The following BMERB1 variants were observed in gnomAD, a reference collection of about 807,000 sequenced individuals.
The protein encoded by BMERB1 is bMERB domain containing 1.
Under a neutral mutation model 23.6 loss-of-function variants are expected in BMERB1, and 12 were observed. The ratio of observed to expected loss-of-function variants is 0.51; its 90% confidence interval spans 0.33 to 0.82. The LOEUF is 0.82. BMERB1 is among the 40% of genes least tolerant of loss of function. BMERB1 has a pLI of 0.03. For missense variants in BMERB1, 247 were observed against 255.4 expected (o/e 0.97, Z 0.22); for synonymous variants, 122 against 96.6 (o/e 1.26, Z -1.54).
At chr16:15,453,407 G>C (rs1452082963) in intron 1 of BMERB1, among the ~76,000 whole-genome samples, 2 of 152,128 alleles carry the variant, frequency 1.3e-5, no homozygotes, top group African/African-American at 4.8e-5. Context: ...GCAAGACCCT[G>C]TCTCTACAAA....
chr16:15,485,488 G>A (rs1293999067), intron 1 of BMERB1, among the ~76,000 whole-genome samples: 2 of 141,298 alleles, frequency 1.4e-5, no homozygotes, highest in Admixed American at 7.6e-5. Context: ...TCTCGCTTGT[G>A]TAATTTCTTC....
intron 1 of BMERB1, among the ~76,000 whole-genome samples, chr16:15,511,607 A>G (rs1329026426): frequency 6.6e-6 from 1 of 152,206 alleles, no homozygotes; most frequent in Non-Finnish European, 1.5e-5. Context: ...TGCTGAACTC[A>G]AAGAGGAGAA....
intron 3 of BMERB1, among the ~76,000 whole-genome samples, chr16:15,574,315 TG>T (rs2030805690): frequency 6.6e-6 from 1 of 152,072 alleles, no homozygotes; most frequent in Non-Finnish European, 1.5e-5. Flanking sequence ...GTGGGGATGA[TG>T]GGGATTATAA....
At chr16:15,437,919 C>T (rs913527112) in intron 1 of BMERB1, among the ~76,000 whole-genome samples, 3 of 151,546 alleles carry the variant, frequency 2.0e-5, no homozygotes, top group Non-Finnish European at 4.4e-5. Flanking sequence ...GATTGCACCA[C>T]TGCACTCCAG....
Position 15,434,726 on chromosome 16 carries a change from G to T in BMERB1, c.73G>T (p.Glu25Ter). 1 of 1,513,126 alleles carries T rather than the reference G, an allele frequency of 6.6e-7. No homozygotes were observed. Among genetic ancestry groups the T allele is most frequent in the Non-Finnish European group, 9.0e-7 (1 of 1,117,204 alleles). 93.7% of individuals were successfully genotyped at this position (1,513,126 alleles called of 1,614,324 possible). ...TCTGAGGCGCTATGGGGCGGTGGAG[G>T]AGACGGCTTGGAAAACGGAGAGACT... ...KPLRRYGAVE[E>*]TAWKTERLGR... The change falls in exon 1 of 6, where the codon GAG becomes TAG. Residue 25 changes from glutamate to a stop codon, truncating the protein, a stop_gained. Coordinates refer to ENST00000300006, the MANE Select transcript of BMERB1 (RefSeq NM_033201.3). LOFTEE classifies it high-confidence loss of function.
intron 2 of BMERB1, among the ~76,000 whole-genome samples, chr16:15,540,541 T>C (rs2052068451): frequency 6.6e-6 from 1 of 151,852 alleles, no homozygotes; most frequent in South Asian, 2.1e-4. Flanking sequence ...ATAATAATAA[T>C]AGAGAGGGCT....
chr16:15,586,409 T>G (rs997943436), intron 5 of BMERB1, among the ~76,000 whole-genome samples: 4 of 152,184 alleles, frequency 2.6e-5, no homozygotes, highest in African/African-American at 4.8e-5. Context: ...AAATACTTCT[T>G]GGATGTCAGG....
At chr16:15,549,019 C>T (rs1400598655) in intron 2 of BMERB1, among the ~76,000 whole-genome samples, 1 of 152,006 alleles carries the variant, frequency 6.6e-6, no homozygotes, top group Non-Finnish European at 1.5e-5. Context: ...GAGTTTTTTC[C>T]TTCAGTCCTT....
At chr16:15,561,826 G>A (rs1025497149) in intron 2 of BMERB1, among the ~76,000 whole-genome samples, 3 of 152,086 alleles carry the variant, frequency 2.0e-5, no homozygotes, top group African/African-American at 4.8e-5. Flanking sequence ...CCTGGCGTTC[G>A]AAGCTGCAGT....
intron 3 of BMERB1, among the ~76,000 whole-genome samples, chr16:15,578,269 G>T (rs2030922435): frequency 1.4e-5 from 2 of 140,260 alleles, no homozygotes; most frequent in Admixed American, 7.5e-5. Flanking sequence ...TGGCTGTGTT[G>T]CCCAGGCTGG....
At chr16:15,525,793 A>T (rs2051899859) in intron 2 of BMERB1, among the ~76,000 whole-genome samples, 1 of 152,132 alleles carries the variant, frequency 6.6e-6, no homozygotes, top group African/African-American at 2.4e-5. Context: ...TCTCTGGAGA[A>T]CCCTGACTGA....
At chr16:15,551,168 G>A (rs1485677347) in intron 2 of BMERB1, among the ~76,000 whole-genome samples, 4 of 152,152 alleles carry the variant, frequency 2.6e-5, no homozygotes, top group South Asian at 2.1e-4. Flanking sequence ...TGATAGATGC[G>A]ATTGCCCTCG....
chr16:15,587,034 G>A lies in BMERB1; in HGVS notation c.*205G>A, dbSNP rs938096231. ...AGTAGGGAGTCTCTCACCGTCGCATGGTCCTCCCCAGAGCATGCCGAACCC... is the reference window on the plus strand; with the variant it reads ...AGTAGGGAGTCTCTCACCGTCGCATAGTCCTCCCCAGAGCATGCCGAACCC... On this transcript the variant is annotated 3_prime_UTR_variant, in exon 6 of 6. Transcript: ENST00000300006. 18 of 556,152 alleles carry A rather than the reference G, an allele frequency of 3.2e-5. No homozygotes were observed. Among genetic ancestry groups the A allele is most frequent in the African/African-American group, 1.7e-4 (9 of 52,394 alleles). 34.5% of individuals were successfully genotyped at this position (556,152 alleles called of 1,614,324 possible).
intron 1 of BMERB1, among the ~76,000 whole-genome samples, chr16:15,469,505 C>T (rs1359928132): frequency 3.3e-5 from 5 of 152,198 alleles, no homozygotes; most frequent in Admixed American, 6.5e-5. Flanking sequence ...AGAGTAATAT[C>T]GTTTATGTCT....
At chr16:15,501,873 TG>T (rs1206194894) in intron 1 of BMERB1, among the ~76,000 whole-genome samples, 1 of 152,056 alleles carries the variant, frequency 6.6e-6, no homozygotes, top group Non-Finnish European at 1.5e-5. Flanking sequence ...CCACCACCCT[TG>T]GCCTCTCAAA....
At chr16:15,461,936 A>AAAC (rs201579006) in intron 1 of BMERB1, among the ~76,000 whole-genome samples, 17 of 151,910 alleles carry the variant, frequency 1.1e-4, no homozygotes, top group African/African-American at 2.2e-4. Context: ...TGTTTCACCA[A>AAAC]AACAACAACA....
chr16:15,585,828 C>CAAGAA (rs751074813), intron 5 of BMERB1, among the ~76,000 whole-genome samples: 94 of 151,738 alleles, frequency 6.2e-4, no homozygotes, highest in African/African-American at 6.8e-4. Flanking sequence ...GACTCCATCT[C>CAAGAA]AAGAAAAGAA....
At chr16:15,466,428 T>A (rs1389044482) in intron 1 of BMERB1, among the ~76,000 whole-genome samples, 5 of 152,174 alleles carry the variant, frequency 3.3e-5, no homozygotes, top group African/African-American at 1.2e-4. Context: ...TTTTTTTCTA[T>A]TGTGTTGTCA....
chr16:15,566,090 A>C (rs998579585), intron 2 of BMERB1, among the ~76,000 whole-genome samples: 1 of 152,202 alleles, frequency 6.6e-6, no homozygotes, highest in African/African-American at 2.4e-5. Flanking sequence ...CAGCCTTAGT[A>C]ATCAAGATGA....
Sources: allele counts gnomAD v4.1 joint callset (sites outside exome capture counted in the v4.1 genomes callset), GRCh38; gene constraint gnomAD v4.1.1; transcripts MANE v1.5; gene names NCBI Gene and HGNC (gene_info 2026-07-23, HGNC 2026-07-21).